The following DOK6 variants were observed in gnomAD, a reference collection of about 807,000 sequenced individuals.
DOK6 encodes the protein downstream of tyrosine kinase 6.
DOK6 carries 22 observed loss-of-function variants against 44.0 expected under a neutral mutation model. The observed-to-expected ratio is 0.50, with a 90% CI of 0.36 to 0.71. DOK6 has a LOEUF of 0.71. Among genes scored for constraint, DOK6 ranks in the 30% least tolerant of loss-of-function variants. The pLI, the probability that DOK6 is intolerant of heterozygous loss-of-function variation, is 0.00. For synonymous variants in DOK6, 166 were observed against 145.5 expected (o/e 1.14, Z -1.01); for missense variants, 340 against 416.4 (o/e 0.82, Z 1.60).
intron 1 of DOK6, among the ~76,000 whole-genome samples, chr18:69,481,135 G>T (rs1443902488): frequency 6.6e-6 from 1 of 152,148 alleles, no homozygotes; most frequent in African/African-American, 2.4e-5. Context: ...AAATGGCCAA[G>T]CCTTTTCTCG....
At chr18:69,765,680 T>C (rs1002485766) in intron 7 of DOK6, among the ~76,000 whole-genome samples, 11 of 152,188 alleles carry the variant, frequency 7.2e-5, no homozygotes, top group Non-Finnish European at 1.6e-4. Context: ...CTCAATTATC[T>C]TGAAGATGTT....
intron 1 of DOK6, among the ~76,000 whole-genome samples, chr18:69,540,657 T>G (rs1982244435): frequency 6.6e-6 from 1 of 152,218 alleles, no homozygotes; most frequent in African/African-American, 2.4e-5. Flanking sequence ...AGTTTTTTCT[T>G]CCATCATAGT....
At chr18:69,655,761 C>CAA (rs74175379) in intron 3 of DOK6, among the ~76,000 whole-genome samples, 114 of 43,138 alleles carry the variant, frequency 2.6e-3, no homozygotes, top group African/African-American at 7.4e-3. Context: ...CCCCACCCCT[C>CAA]AAAAAAAAAA....
In DOK6 at chr18:69,841,341, C is replaced by T. The variant is rs748333355; in HGVS notation, c.954C>T (p.Ser318=). Residue 318 remains serine, a synonymous_variant, in exon 8 of 8, where the codon TCC becomes TCT. Coordinates refer to ENST00000382713, the MANE Select transcript of DOK6 (RefSeq NM_152721.6). The part of the protein sequence containing the change: ...SEEAQQPLSR[S]SSYGFSYSSS... ...AGGCCCAGCAGCCGTTGTCGCGGTCCAGCAGCTATGGATTCAGCTACAGCT... is the reference window on the plus strand; with the variant it reads ...AGGCCCAGCAGCCGTTGTCGCGGTCTAGCAGCTATGGATTCAGCTACAGCT... 6.2e-7 allele frequency: 1 copy of T among 1,614,186 alleles called. No homozygotes were observed. Among genetic ancestry groups the T allele is most frequent in the South Asian group, 1.1e-5 (1 of 91,084 alleles).
intron 2 of DOK6, among the ~76,000 whole-genome samples, chr18:69,570,781 A>C (rs1279939176): frequency 2.0e-5 from 3 of 152,228 alleles, no homozygotes; most frequent in African/African-American, 4.8e-5. Context: ...ACACACAAAA[A>C]AGTATCTTCA....
intron 7 of DOK6, among the ~76,000 whole-genome samples, chr18:69,782,107 C>T (rs2145090313): frequency 6.6e-6 from 1 of 150,854 alleles, no homozygotes; most frequent in East Asian, 2.0e-4. Context: ...GCTATAGAGA[C>T]TACAGAAAGA....
intron 3 of DOK6, chr18:69,618,555 G>C (rs1318563253): frequency 1.3e-5 from 2 of 156,692 alleles, no homozygotes; most frequent in Non-Finnish European, 2.8e-5. Context: ...GTTCCACGTG[G>C]CTGGAGAGGC....
intron 7 of DOK6, among the ~76,000 whole-genome samples, chr18:69,760,481 T>C (rs1014362416): frequency 2.0e-5 from 3 of 151,972 alleles, no homozygotes; most frequent in African/African-American, 7.2e-5. Context: ...AAAGTTCACC[T>C]TGGGAGAGAG....
chr18:69,536,058 T>C (rs1982114434), intron 1 of DOK6, among the ~76,000 whole-genome samples: 1 of 152,108 alleles, frequency 6.6e-6, no homozygotes, highest in Non-Finnish European at 1.5e-5. Context: ...GTCTACAAGG[T>C]CCCGTATAAT....
At chr18:69,598,035 A>G (rs932961244) in intron 2 of DOK6, among the ~76,000 whole-genome samples, 2 of 152,118 alleles carry the variant, frequency 1.3e-5, no homozygotes, top group African/African-American at 4.8e-5. Context: ...GCTCATTTCC[A>G]TCCACATTAT....
In DOK6 at chr18:69,717,011, TTTA is replaced by T. The variant is rs377200696; in HGVS notation, c.599+18421_599+18423del. 4.8e-3 allele frequency among the ~76,000 whole-genome samples: 736 copies of T among 152,288 alleles called. 4 individuals carry two copies. The highest frequency in any genetic ancestry group is 0.016 in the African/African-American group (676 of 41,540). On this transcript the variant is annotated intron_variant, in intron 5 of 7. Transcript: ENST00000382713. ...TTCCATGGTATTTCACATATAGGAGTTTATTCTTTTTTATTGTCATATGAATAT... is the reference window on the plus strand; with the variant it reads ...TTCCATGGTATTTCACATATAGGAGTTTCTTTTTTATTGTCATATGAATAT...
chr18:69,401,886 A>C (rs1056862877), intron 1 of DOK6, among the ~76,000 whole-genome samples: 8 of 152,104 alleles, frequency 5.3e-5, no homozygotes, highest in Non-Finnish European at 1.2e-4. Context: ...GCCCGCGTGC[A>C]GGCAGGTGTG....
intron 7 of DOK6, among the ~76,000 whole-genome samples, chr18:69,820,414 A>C (rs911376193): frequency 1.3e-5 from 2 of 152,218 alleles, no homozygotes; most frequent in African/African-American, 4.8e-5. Context: ...AATACACACC[A>C]GTGGACTTCA....
intron 1 of DOK6, among the ~76,000 whole-genome samples, chr18:69,446,776 G>A (rs1399285722): frequency 2.0e-5 from 3 of 152,182 alleles, no homozygotes; most frequent in Non-Finnish European, 4.4e-5. Flanking sequence ...GTATCTCATT[G>A]TGGTTTTGAT....
chr18:69,580,344 G>A (rs1983337976), intron 2 of DOK6, among the ~76,000 whole-genome samples: 1 of 152,174 alleles, frequency 6.6e-6, no homozygotes, highest in South Asian at 2.1e-4. Context: ...ACTAGAGGCT[G>A]TTGCAATCTG....
At chr18:69,823,478 C>T (rs1981635854) in intron 7 of DOK6, among the ~76,000 whole-genome samples, 1 of 152,096 alleles carries the variant, frequency 6.6e-6, no homozygotes, top group South Asian at 2.1e-4. Context: ...TGCCACAGCT[C>T]AGAGAGCCTG....
intron 3 of DOK6, among the ~76,000 whole-genome samples, chr18:69,648,056 C>A (rs1208116143): frequency 2.6e-5 from 4 of 152,176 alleles, no homozygotes; most frequent in African/African-American, 9.7e-5. Flanking sequence ...ATATAATCAT[C>A]ATGAAGCCTG....
At position 69,694,735 on chromosome 18, in the gene DOK6, A is replaced by G. The variant is rs187698880; in HGVS notation, c.410-3669A>G. ...TCAGCAGCCTTCACAGATTAGCAGA[A>G]TATTTATGTTTTAGGATATTATTAT... On this transcript the variant is annotated intron_variant, in intron 4 of 7. Coordinates refer to ENST00000382713, the MANE Select transcript of DOK6 (RefSeq NM_152721.6). 1.3e-3 allele frequency among the ~76,000 whole-genome samples: 201 copies of G among 152,016 alleles called. 1 individual carries two copies. Among genetic ancestry groups the G allele is most frequent in the Non-Finnish European group, 2.4e-3 (162 of 67,956 alleles).
At chr18:69,542,840 G>A (rs1036843) in intron 1 of DOK6, among the ~76,000 whole-genome samples, 1 of 151,142 alleles carries the variant, frequency 6.6e-6, no homozygotes, top group African/African-American at 2.4e-5. Flanking sequence ...TTCATACACC[G>A]AGCGTGGATT....
Sources: gnomAD v4.1 joint callset for allele counts (sites outside exome capture counted in the v4.1 genomes callset) on GRCh38, gnomAD v4.1.1 for gene constraint, MANE v1.5 for transcripts, NCBI Gene and HGNC (gene_info 2026-07-23, HGNC 2026-07-21) for gene names.